The following SGCZ variants were observed in gnomAD, a reference collection of about 807,000 sequenced individuals.
SGCZ encodes the protein zeta-sarcoglycan.
A neutral mutation model predicts 41.3 loss-of-function variants in SGCZ; 40 were observed. The observed-to-expected ratio is 0.97, with a 90% CI of 0.75 to 1.26. The LOEUF is 1.26. SGCZ is among the 50% of genes most tolerant of loss of function. The pLI is 0.00. For synonymous variants in SGCZ, 206 were observed against 137.5 expected (o/e 1.50, Z -3.49); for missense variants, 552 against 369.8 (o/e 1.49, Z -4.04).
At chr8:14,108,371 C>T (rs1563131218) in intron 5 of SGCZ, 136 bp from the exon 6 acceptor site, 1 of 686,490 alleles carries the variant, frequency 1.5e-6, no homozygotes, top group Non-Finnish European at 2.5e-6. Flanking sequence ...AGTCCGTTTT[C>T]ACACTGCTGA....
At chr8:14,766,377 C>A (rs1002886568) in intron 1 of SGCZ, among the ~76,000 whole-genome samples, 5 of 151,990 alleles carry the variant, frequency 3.3e-5, no homozygotes, top group Non-Finnish European at 7.4e-5. Context: ...AGAAATGTAA[C>A]TCAAAAGAAT....
chr8:14,451,308 G>A (rs181307168), intron 2 of SGCZ, among the ~76,000 whole-genome samples: 1 of 152,164 alleles, frequency 6.6e-6, no homozygotes, highest in African/African-American at 2.4e-5. Context: ...TGAAGGTTCA[G>A]TGATCTTAGA....
intron 1 of SGCZ, among the ~76,000 whole-genome samples, chr8:14,838,672 G>T (rs1360885167): frequency 6.6e-6 from 1 of 152,100 alleles, no homozygotes; most frequent in Non-Finnish European, 1.5e-5. Flanking sequence ...TCTGCTACCT[G>T]GACCAAAACT....
intron 5 of SGCZ, among the ~76,000 whole-genome samples, chr8:14,124,273 A>G (rs910077861): frequency 1.3e-5 from 2 of 150,932 alleles, no homozygotes; most frequent in African/African-American, 4.9e-5. Flanking sequence ...TTTGTCCTTC[A>G]CTCCCTCTTT....
intron 1 of SGCZ, among the ~76,000 whole-genome samples, chr8:14,879,587 G>C (rs963400903): frequency 2.7e-4 from 28 of 104,554 alleles, no homozygotes; most frequent in Admixed American, 4.7e-4. Context: ...CACACACACA[G>C]ACACACAGAC....
intron 1 of SGCZ, among the ~76,000 whole-genome samples, chr8:15,128,287 G>T (rs987952988): frequency 6.6e-6 from 1 of 152,162 alleles, no homozygotes; most frequent in Non-Finnish European, 1.5e-5. Flanking sequence ...TGGAAATGCT[G>T]GGTTCCCAAA....
intron 4 of SGCZ, among the ~76,000 whole-genome samples, chr8:14,165,580 C>T (rs1311804574): frequency 6.6e-6 from 1 of 152,064 alleles, no homozygotes; most frequent in Non-Finnish European, 1.5e-5. Context: ...GGACATAACA[C>T]TTTTGGCATA....
At chr8:15,233,692 G>A (rs1035522078) in intron 1 of SGCZ, among the ~76,000 whole-genome samples, 2 of 151,760 alleles carry the variant, frequency 1.3e-5, no homozygotes, top group African/African-American at 4.8e-5. Flanking sequence ...TTGAAAAGTT[G>A]TTTTATGTGT....
At chr8:14,412,277 C>G (rs902172841) in intron 2 of SGCZ, among the ~76,000 whole-genome samples, 5 of 151,980 alleles carry the variant, frequency 3.3e-5, no homozygotes, top group Non-Finnish European at 5.9e-5. Context: ...ATTTTAGACC[C>G]TAAGGTATTT....
intron 5 of SGCZ, among the ~76,000 whole-genome samples, chr8:14,118,561 T>C (rs2117029414): frequency 6.6e-6 from 1 of 152,330 alleles, no homozygotes; most frequent in Admixed American, 6.5e-5. Context: ...AGCTCTTTAG[T>C]TTAATTAGAT....
chr8:14,278,283 C>A (rs868715240), intron 3 of SGCZ, among the ~76,000 whole-genome samples: 16 of 152,226 alleles, frequency 1.1e-4, no homozygotes, highest in Middle Eastern at 3.4e-3. Flanking sequence ...CCTCTATGAC[C>A]ACGTGCACAT....
chr8:14,562,651 C>T (rs1267596351), intron 1 of SGCZ, among the ~76,000 whole-genome samples: 6 of 151,726 alleles, frequency 4.0e-5, no homozygotes, highest in Non-Finnish European at 8.8e-5. Flanking sequence ...GTGGGATAAA[C>T]AGAAAATTTT....
intron 1 of SGCZ, among the ~76,000 whole-genome samples, chr8:14,598,514 G>C (rs1270539043): frequency 6.6e-6 from 1 of 151,404 alleles, no homozygotes; most frequent in Non-Finnish European, 1.5e-5. Flanking sequence ...CAAACACATA[G>C]TTTTATATAT....
chr8:14,460,313 A>G (rs567220537), intron 2 of SGCZ, among the ~76,000 whole-genome samples: 1 of 152,346 alleles, frequency 6.6e-6, no homozygotes, highest in African/African-American at 2.4e-5. Context: ...TTCATCCATG[A>G]TTGAAAACTC....
intron 1 of SGCZ, among the ~76,000 whole-genome samples, chr8:14,810,272 G>C (rs182705851): frequency 6.6e-6 from 1 of 152,012 alleles, no homozygotes; most frequent in Non-Finnish European, 1.5e-5. Flanking sequence ...AGAAGTTTTA[G>C]AACTTTAAAT....
intron 1 of SGCZ, among the ~76,000 whole-genome samples, chr8:15,186,873 A>T (rs1310958765): frequency 1.3e-5 from 2 of 152,168 alleles, no homozygotes; most frequent in Admixed American, 1.3e-4. Flanking sequence ...GCATTTAAGC[A>T]GATCTTATTG....
chr8:14,535,424 A>G (rs1176086429), intron 2 of SGCZ, among the ~76,000 whole-genome samples: 2 of 151,940 alleles, frequency 1.3e-5, no homozygotes, highest in Non-Finnish European at 2.9e-5. Context: ...AAAAAAGGTT[A>G]CATCTGGTAA....
At chr8:14,910,113 G>C (rs1206651670) in intron 1 of SGCZ, among the ~76,000 whole-genome samples, 2 of 151,970 alleles carry the variant, frequency 1.3e-5, no homozygotes, top group Admixed American at 6.6e-5. Flanking sequence ...CCTTATTTGA[G>C]ATGTTGCATT....
intron 7 of SGCZ, among the ~76,000 whole-genome samples, chr8:14,095,727 A>T (rs1037729885): frequency 6.6e-6 from 1 of 152,128 alleles, no homozygotes; most frequent in African/African-American, 2.4e-5. Context: ...GTTTCTTCTT[A>T]TCCATGAGCA....
Sources: gnomAD v4.1 joint callset for allele counts (sites outside exome capture counted in the v4.1 genomes callset) on GRCh38, gnomAD v4.1.1 for gene constraint, MANE v1.5 for transcripts, NCBI Gene and HGNC (gene_info 2026-07-23, HGNC 2026-07-21) for gene names.